Variants in TNXB observed in about 807,000 individuals in gnomAD.
TNXB encodes the protein tenascin-X.
In TNXB, 183 loss-of-function variants were observed where a neutral mutation model predicts 340.5. The ratio of observed to expected loss-of-function variants is 0.54; its 90% CI spans 0.48 to 0.61. TNXB has a LOEUF of 0.61. TNXB is among the 20% of genes least tolerant of loss of function. The pLI is 0.00. For missense variants in TNXB, 4,613 were observed against 5,446.4 expected, an observed-to-expected ratio of 0.85 and a Z score of 4.82; for synonymous variants, 2,121 against 2,314.5, an observed-to-expected ratio of 0.92 and a Z score of 2.40.
rs763131927 is a variant in TNXB, at chr6:32,046,333, T to A, written c.10448A>T (p.Tyr3483Phe). ...CCTGGGCTGCCCGTCCGTGTCCCTG[T>A]ACTGGACCACGAAGGAGTCAAAGGG... ...QGPFDSFVVQ[Y>F]RDTDGQPRAV... is the part of the protein sequence containing the mutation. Residue 3483 changes from tyrosine (Y) to phenylalanine (F), a missense_variant, in exon 31 of 44, where the codon TAC (tyrosine) becomes TTC (phenylalanine). Physicochemically the swap from Tyr to Phe is conservative, Grantham distance 22. Transcript: ENST00000644971. This position sits in a 1 kb window ranked among gnomAD's most constrained non-coding sequence, Gnocchi z 6.9. The A allele has an allele frequency of 1.9e-6, 3 of 1,606,076 alleles. No homozygotes were observed. The South Asian group carries it at 3.3e-5, about 18-fold the overall frequency.
chr6:32,081,442 C>T lies in TNXB; in HGVS notation c.3968G>A (p.Arg1323Gln), dbSNP rs766503904. The change falls in exon 10 of 44, where the codon CGG (arginine) becomes CAG (glutamine). Residue 1323 changes from arginine (R) to glutamine (Q), a missense_variant. This residue lies in a region of TNXB where 4,327 missense variants were observed against 4,859.4 expected (regional missense o/e 0.89). Coordinates refer to ENST00000644971, the MANE Select transcript of TNXB (RefSeq NM_001365276.2). This position sits in a 1 kb window ranked among gnomAD's most constrained non-coding sequence, Gnocchi z 5.1. ...EVTVPGLDPD[R>Q]KYKMNLYGLR... ...CCCGTAGAGGTTCATCTTATACTTCCGGTCGGGATCCAGGCCGGGGACAGT... is the reference window on the plus strand; with the variant it reads ...CCCGTAGAGGTTCATCTTATACTTCTGGTCGGGATCCAGGCCGGGGACAGT... The T allele has an allele frequency of 5.1e-5, 81 of 1,575,300 alleles. No individual in the cohort carries two copies. Among genetic ancestry groups the T allele is most frequent in the East Asian group, 2.3e-4 (10 of 42,980 alleles).
Position 32,052,743 on chromosome 6 carries a change from G to C in TNXB, c.9042C>G (p.Cys3014Trp). Reference sequence around the variant, plus strand: ...GGCCGTACAGGTGCATCTTGTATTTGCACCCGGGCTCCAGGCCCCCCACGG... The same window carrying C: ...GGCCGTACAGGTGCATCTTGTATTTCCACCCGGGCTCCAGGCCCCCCACGG... The part of the protein sequence containing the change: ...EVTVGGLEPG[C>W]KYKMHLYGLH... Residue 3014 changes from cysteine (C) to tryptophan (W), a missense_variant, in exon 26 of 44, where the codon TGC (cysteine) becomes TGG (tryptophan). By Grantham distance (215) the Cys-to-Trp change is radical. Transcript: ENST00000644971. This position sits in a 1 kb window ranked among gnomAD's most constrained non-coding sequence, Gnocchi z 4.7. The C allele has an allele frequency of 6.2e-7, 1 of 1,613,812 alleles. No individual in the cohort carries two copies. Among genetic ancestry groups the C allele is most frequent in the Non-Finnish European group, 8.5e-7 (1 of 1,179,878 alleles).
At chr6:32,065,251 T>A in intron 18 of TNXB, 134 bp from the exon 19 acceptor site, 1 of 836,284 alleles carries the variant, frequency 1.2e-6, no homozygotes. Context: ...ATAATCATAA[T>A]CAGATTTTGT....
chr6:32,079,493 A>G lies in TNXB; in HGVS notation c.4043-128T>C. 1 of 788,722 alleles carries G rather than the reference A, an allele frequency of 1.3e-6. No homozygotes were observed. The highest frequency in any genetic ancestry group is 1.7e-5 in the African/African-American group (1 of 57,396). 48.9% of individuals were successfully genotyped at this position (788,722 alleles called of 1,614,324 possible). ...TAGCCTTTGTATTTGCCATTCGGTC[A>G]CTCACGGATGGAGAAGGCTGAGACA... is the stretch of plus-strand genomic sequence containing the variant. On this transcript the variant is annotated intron_variant, in intron 10 of 43. Coordinates refer to ENST00000644971, the MANE Select transcript of TNXB (RefSeq NM_001365276.2). This position sits in a 1 kb window ranked among gnomAD's most constrained non-coding sequence, Gnocchi z 7.1.
chr6:32,094,167 T>C (rs1402139273), intron 4 of TNXB, among the ~76,000 whole-genome samples: 2 of 147,760 alleles, frequency 1.4e-5, no homozygotes, highest in African/African-American at 5.0e-5. Context: ...GGTTTGCATG[T>C]ACTGATGACA....
In TNXB at chr6:32,067,754, C is replaced by G. The variant is rs757768417; in HGVS notation, c.6451G>C (p.Gly2151Arg). ...VGGEESEVTV[G>R]GLEPGRKYKM... The stretch of plus-strand genomic sequence containing the variant: ...TACTTGCGCCCAGGCTCCAGGCCCC[C>G]CACGGTGACTTCACTCTCCTCGCCC... The change falls in exon 18 of 44, where the codon GGG becomes CGG. Residue 2151 changes from glycine to arginine, a missense_variant. Physicochemically the swap from Gly to Arg is moderately radical, Grantham distance 125 (BLOSUM62 -2). Transcript: ENST00000644971. The surrounding 1 kb of genome is among the most constrained non-coding windows in gnomAD (Gnocchi z 4.2). 3.7e-6 allele frequency: 6 copies of G among 1,613,682 alleles called. No homozygotes were observed. The South Asian group carries it at 6.6e-5, about 18-fold the overall frequency.
chr6:32,096,355 C>A lies in TNXB; in HGVS notation c.1498G>T (p.Asp500Tyr), dbSNP rs777918124. ...RDCGTRACPGDCRGRGRCVDG... is the reference protein window; with the variant it reads ...RDCGTRACPGYCRGRGRCVDG... ...ACGCAGCGCCCGCGCCCGCGACAGT[C>A]GCCAGGACAGGCGCGCGTGCCGCAG... The change falls in exon 3 of 44, where the codon GAC becomes TAC. Residue 500 changes from aspartate to tyrosine, a missense_variant. Asp to Tyr is a radical substitution (Grantham distance 160). Around this residue, in one of 7 missense-constraint regions of TNXB, gnomAD observed 4,327 missense variants for 4,859.4 expected, o/e 0.89. Transcript: ENST00000644971. 3.9e-6 allele frequency: 6 copies of A among 1,553,742 alleles called. No homozygotes were observed. The East Asian group carries it at 1.2e-4, about 31-fold the overall frequency.
intron 1 of TNXB, among the ~76,000 whole-genome samples, chr6:32,105,476 G>C (rs909353886): frequency 1.3e-5 from 2 of 152,150 alleles, no homozygotes; most frequent in Non-Finnish European, 2.9e-5. Flanking sequence ...GGCAGGCATG[G>C]CACCTATTTT....
rs1345573101 is a variant in TNXB at position 32,089,681 on chromosome 6, C to T, written c.2359-302G>A. Among the ~76,000 whole-genome samples, 1 of 152,220 alleles carries T rather than the reference C, an allele frequency of 6.6e-6. No individual in the cohort carries two copies. Among genetic ancestry groups the T allele is most frequent in the Non-Finnish European group, 1.5e-5 (1 of 68,038 alleles). On this transcript the variant is annotated intron_variant, in intron 4 of 43. Transcript: ENST00000644971. The surrounding 1 kb of genome is among the most constrained non-coding windows in gnomAD (Gnocchi z 6.2). The stretch of plus-strand genomic sequence containing the variant: ...AGAAGGACAAGTATCTTGCCAACGT[C>T]ACCAACACCAAGAAAATGGCAAGAA...
rs1452792297 is a variant in TNXB, at chr6:32,084,523, T to C, written c.3335A>G (p.Gln1112Arg). The change falls in exon 8 of 44, where the codon CAG becomes CGG. Residue 1112 changes from glutamine to arginine, a missense_variant. Gln to Arg is a conservative substitution (Grantham distance 43). Transcript: ENST00000644971. The surrounding 1 kb of genome is among the most constrained non-coding windows in gnomAD (Gnocchi z 5.5). ...QPQVVPVEGP[Q>R]RSAVITSLDP... ...CAGGGAGGTGATGACGGCCGAGCGC[T>C]GGGGTCCTTCCACGGGCACCACCTG... 1 of 1,609,258 alleles carries C rather than the reference T, an allele frequency of 6.2e-7. No homozygotes were observed. The highest frequency in any genetic ancestry group is 8.5e-7 in the Non-Finnish European group (1 of 1,178,760).
rs1422322254 is a variant in TNXB, at chr6:32,047,732, A to T, written c.10324+2T>A. Reference sequence around the variant, plus strand: ...AAAGGTGGAGGCTGGACTGGGACTCACCTGTGGTGCTGTCAGCAGAGATGG... The same window carrying T: ...AAAGGTGGAGGCTGGACTGGGACTCTCCTGTGGTGCTGTCAGCAGAGATGG... On this transcript the variant is annotated splice_donor_variant, in intron 30 of 43. Coordinates refer to ENST00000644971, the MANE Select transcript of TNXB (RefSeq NM_001365276.2). LOFTEE classifies it high-confidence loss of function. This position sits in a 1 kb window ranked among gnomAD's most constrained non-coding sequence, Gnocchi z 6.2. 2 of 1,592,892 alleles carry T rather than the reference A, an allele frequency of 1.3e-6. No individual in the cohort carries two copies. The highest frequency in any genetic ancestry group is 1.7e-6 in the Non-Finnish European group (2 of 1,168,314).
At position 32,053,531 on chromosome 6, in the gene TNXB, C is replaced by T. The variant is rs1039023483; in HGVS notation, c.8648G>A (p.Gly2883Glu). The T allele has an allele frequency of 6.2e-7, 1 of 1,613,634 alleles. No individual in the cohort carries two copies. Among genetic ancestry groups the T allele is most frequent in the Non-Finnish European group, 8.5e-7 (1 of 1,179,890 alleles). ...HFLVQYRNGD[G>E]QPKVVRVPGH... Reference sequence around the variant, plus strand: ...CGGCACCCGCACCACCTTGGGCTGCCCATCCCCATTCCTGTACTGGACCAG... The same window carrying T: ...CGGCACCCGCACCACCTTGGGCTGCTCATCCCCATTCCTGTACTGGACCAG... The change falls in exon 25 of 44, where the codon GGG becomes GAG. Residue 2883 changes from glycine (G) to glutamate (E), a missense_variant. Transcript: ENST00000644971.
intron 1 of TNXB, among the ~76,000 whole-genome samples, chr6:32,104,885 C>T (rs1780901759): frequency 6.6e-6 from 1 of 152,192 alleles, no homozygotes; most frequent in Non-Finnish European, 1.5e-5. Context: ...AATCCTCCCA[C>T]CCTAGCCTCC....
At chr6:32,078,627 A>T (rs757099718) in intron 11 of TNXB, 5 of 243,580 alleles carry the variant, frequency 2.1e-5, no homozygotes, top group Non-Finnish European at 4.0e-5. Context: ...ATGGCCTTAG[A>T]TTCATGTGCA....
In TNXB at chr6:32,097,523, G is replaced by T; in HGVS notation, c.404-74C>A. 6.6e-7 allele frequency: 1 copy of T among 1,508,772 alleles called. No homozygotes were observed. The allele number at this position is 1,508,772 out of a possible 1,614,324, so 93.5% of individuals were successfully genotyped here. A position where few individuals can be genotyped will look rare whatever the true frequency, so the allele number is the denominator to read the frequency against. Reference sequence around the variant, plus strand: ...GGCTGAGCCTATGTAGTGCTCCTATGTGCAGGCCCCTAGCCAGGCTAGCCT... The same window carrying T: ...GGCTGAGCCTATGTAGTGCTCCTATTTGCAGGCCCCTAGCCAGGCTAGCCT... On this transcript the variant is annotated intron_variant, in intron 2 of 43. Coordinates refer to ENST00000644971, the MANE Select transcript of TNXB (RefSeq NM_001365276.2). This position sits in a 1 kb window ranked among gnomAD's most constrained non-coding sequence, Gnocchi z 5.9.
rs116735290 is a variant in TNXB, at chr6:32,108,023, A to G, written c.-9+1158T>C. Among the ~76,000 whole-genome samples the G allele has an allele frequency of 1.9e-3, 293 of 152,294 alleles. 3 individuals are homozygous for G. The highest frequency in any genetic ancestry group is 6.6e-3 in the African/African-American group (274 of 41,550). On this transcript the variant is annotated intron_variant, in intron 1 of 43. Coordinates refer to ENST00000644971, the MANE Select transcript of TNXB (RefSeq NM_001365276.2). The surrounding 1 kb of genome is among the most constrained non-coding windows in gnomAD (Gnocchi z 4.8). ...GGAAAAATTAAGAGAAAGGATTTCC[A>G]GGCCCCAGCTGAAAATGGTTAGGGG...
chr6:32,093,072 A>G (rs1780152262), intron 4 of TNXB: 1 of 401,164 alleles, frequency 2.5e-6, no homozygotes, highest in Non-Finnish European at 4.5e-6. Flanking sequence ...GCAGGAGACA[A>G]CTGCTGCCCT....
chr6:32,046,867 G>A lies in TNXB; in HGVS notation c.10325-411C>T, dbSNP rs762860787. ...TTGTCACGGAGACACCCCAAACATC[G>A]AGAGCTGGTCTGGGCAGCCGGCCAA... is the stretch of plus-strand genomic sequence containing the variant. On this transcript the variant is annotated intron_variant, in intron 30 of 43. Transcript: ENST00000644971. This position sits in a 1 kb window ranked among gnomAD's most constrained non-coding sequence, Gnocchi z 6.9. Among the ~76,000 whole-genome samples, 2 of 152,174 alleles carry A rather than the reference G, an allele frequency of 1.3e-5. No individual in the cohort carries two copies. Among genetic ancestry groups the A allele is most frequent in the South Asian group, 2.1e-4 (1 of 4,826 alleles).
rs9469079 is a variant in TNXB at position 32,064,644 on chromosome 6, C to T, written c.6841+177G>A. On this transcript the variant is annotated intron_variant, in intron 19 of 43. Transcript: ENST00000644971. This position sits in a 1 kb window ranked among gnomAD's most constrained non-coding sequence, Gnocchi z 5.3. ...GGGAACCCAAAAAGCCCATGTGTAA[C>T]GGGCAGAAGACCTGGGGCAATACCA... 0.16 allele frequency among the ~76,000 whole-genome samples: 24,211 copies of T among 152,100 alleles called. 2,210 individuals carry two copies. Among genetic ancestry groups the T allele is most frequent in the South Asian group, 0.31 (1,480 of 4,802 alleles).
Sources: allele counts gnomAD v4.1 joint callset (sites outside exome capture counted in the v4.1 genomes callset), GRCh38; gene constraint gnomAD v4.1.1; regional missense constraint gnomAD v4.1.1; non-coding constraint Gnocchi (gnomAD v3.1); transcripts MANE v1.5; gene names NCBI Gene and HGNC (gene_info 2026-07-23, HGNC 2026-07-21).